The following SIN3B variants were observed in gnomAD, a reference collection of about 807,000 sequenced individuals.
SIN3B encodes the protein SIN3 transcription regulator family member B.
SIN3B carries 19 observed loss-of-function variants against 120.2 expected under a neutral mutation model. That is an observed-to-expected ratio of 0.16 (90% confidence interval 0.11 to 0.23). The LOEUF is 0.23. Among genes scored for constraint, SIN3B ranks in the 10% least tolerant of loss-of-function variants. SIN3B has a pLI of 1.00. For missense variants in SIN3B, 1,073 were observed against 1,573.0 expected, an observed-to-expected ratio of 0.68 and a Z score of 5.38; for synonymous variants, 654 against 653.2, an observed-to-expected ratio of 1.00 and a Z score of -0.02.
chr19:16,845,530 C>A (rs1433835438), intron 4 of SIN3B, among the ~76,000 whole-genome samples: 2 of 152,206 alleles, frequency 1.3e-5, no homozygotes, highest in East Asian at 3.9e-4. Flanking sequence ...ACCTTGGCCT[C>A]CCAAAGTGCT....
At chr19:16,873,174 C>T (rs2051534909) in intron 14 of SIN3B, among the ~76,000 whole-genome samples, 1 of 152,084 alleles carries the variant, frequency 6.6e-6, no homozygotes, top group Non-Finnish European at 1.5e-5. Flanking sequence ...GTGGCTGGGG[C>T]CCTGTCCTTT....
chr19:16,831,055 A>T (rs1345569449), intron 2 of SIN3B, among the ~76,000 whole-genome samples: 1 of 148,100 alleles, frequency 6.8e-6, no homozygotes, highest in East Asian at 2.0e-4. Flanking sequence ...ATGCTATCAC[A>T]TGGGGGCACT....
At chr19:16,875,434 G>T (rs909115143) in intron 14 of SIN3B, among the ~76,000 whole-genome samples, 2 of 145,618 alleles carry the variant, frequency 1.4e-5, no homozygotes, top group Non-Finnish European at 3.0e-5. Context: ...GTTTGGTCTG[G>T]TCTGGTTTTG....
intron 4 of SIN3B, among the ~76,000 whole-genome samples, chr19:16,843,254 C>T (rs922970677): frequency 4.6e-5 from 7 of 152,324 alleles, no homozygotes; most frequent in Middle Eastern, 3.4e-3. Context: ...TGGGCCACCA[C>T]GCCCAGCTAA....
In SIN3B at chr19:16,847,073, C is replaced by T; in HGVS notation, c.686C>T (p.Ser229Leu). The T allele has an allele frequency of 6.2e-7, 1 of 1,614,158 alleles. No homozygotes were observed. The change falls in exon 5 of 19, where the codon TCA (serine) becomes TTA (leucine). Residue 229 changes from serine (S) to leucine (L), a missense_variant. This residue lies in a region of SIN3B where 395 missense variants were observed against 528.0 expected (regional missense o/e 0.75). Transcript: ENST00000248054. ...TTCCGGGGCCAGGAGGACCTGCTCT[C>T]AGAGTTTGGACAGTTCCTGCCCGAA... ...NLFRGQEDLL[S>L]EFGQFLPEAK...
chr19:16,833,391 T>TG (rs1395905238), intron 3 of SIN3B, among the ~76,000 whole-genome samples: 2 of 152,000 alleles, frequency 1.3e-5, no homozygotes, highest in African/African-American at 4.8e-5. Context: ...CCCAGCACTT[T>TG]GGGGGGCCGA....
rs752253068 is a variant in SIN3B at position 16,878,736 on chromosome 19, C to T, written c.*9C>T. 355 of 1,587,088 alleles carry T rather than the reference C, an allele frequency of 2.2e-4. 1 individual carries two copies. Among genetic ancestry groups the T allele is most frequent in the South Asian group, 1.0e-3 (93 of 88,594 alleles). ...GCCCGGCCTCGCCCTGACCCGCCCTCATGGGCACCGGGCAGGCGCCTCACA... is the reference window on the plus strand; with the variant it reads ...GCCCGGCCTCGCCCTGACCCGCCCTTATGGGCACCGGGCAGGCGCCTCACA... On this transcript the variant is annotated 3_prime_UTR_variant, in exon 19 of 19. Coordinates refer to ENST00000248054, the MANE Select transcript of SIN3B (RefSeq NM_001297595.2).
rs1156656470 is a variant in SIN3B at position 16,852,158 on chromosome 19, G to A, written c.849+624G>A. Among the ~76,000 whole-genome samples the A allele has an allele frequency of 5.3e-5, 8 of 152,058 alleles. No individual in the cohort carries two copies. In the East Asian group the frequency reaches 7.7e-4, roughly 15 times the overall value. On this transcript the variant is annotated intron_variant, in intron 6 of 18. Coordinates refer to ENST00000248054, the MANE Select transcript of SIN3B (RefSeq NM_001297595.2). ...TTTCTTTCCTTTGAGACAGAGTCTC[G>A]CTCTGTCACCCAGGCTGGAGTGCAG...
intron 8 of SIN3B, among the ~76,000 whole-genome samples, chr19:16,856,568 C>T (rs965250067): frequency 7.3e-5 from 11 of 151,632 alleles, no homozygotes; most frequent in Non-Finnish European, 1.3e-4. Context: ...GAAAAATACA[C>T]GTGAAGATTT....
rs2039266881 is a variant in SIN3B at position 16,851,671 on chromosome 19, G to T, written c.849+137G>T. On this transcript the variant is annotated intron_variant, in intron 6 of 18. Coordinates refer to ENST00000248054, the MANE Select transcript of SIN3B (RefSeq NM_001297595.2). ...GGGGGCTGTGTGAGGTTCACCGGCA[G>T]TGGGACCGTTGGAAGTCAGCTCTCC... 7.0e-6 allele frequency: 8 copies of T among 1,134,898 alleles called. 1 individual carries two copies. In the Admixed American group the frequency reaches 1.7e-4, roughly 24 times the overall value. The allele number at this position is 1,134,898 out of a possible 1,614,324, so 70.3% of individuals were successfully genotyped here.
intron 8 of SIN3B, among the ~76,000 whole-genome samples, chr19:16,857,692 A>C (rs1426475357): frequency 6.6e-6 from 1 of 151,980 alleles, no homozygotes; most frequent in Non-Finnish European, 1.5e-5. Flanking sequence ...CTCCAGGAGC[A>C]CCCCCGCATA....
chr19:16,875,200 T>A (rs573905089), intron 14 of SIN3B, among the ~76,000 whole-genome samples: 100 of 147,814 alleles, frequency 6.8e-4, no homozygotes, highest in African/African-American at 2.5e-3. Flanking sequence ...TCTGGTCTGG[T>A]CTGGTCTGTC....
At chr19:16,851,369 A>G in intron 5 of SIN3B, 43 bp from the exon 6 acceptor site, 2 of 1,534,938 alleles carry the variant, frequency 1.3e-6, no homozygotes, top group Non-Finnish European at 1.8e-6. Context: ...GCATGGGTCC[A>G]GCCACGTCTC....
chr19:16,860,573 A>G (rs942547611), intron 8 of SIN3B, among the ~76,000 whole-genome samples: 1 of 149,722 alleles, frequency 6.7e-6, no homozygotes, highest in Non-Finnish European at 1.5e-5. Context: ...GGATTGTGGC[A>G]CCAGCAGTCA....
chr19:16,834,199 A>G (rs1278795626), intron 3 of SIN3B, among the ~76,000 whole-genome samples: 2 of 152,216 alleles, frequency 1.3e-5, no homozygotes, highest in African/African-American at 4.8e-5. Context: ...GAGAAAGCCA[A>G]GCTCATTTGC....
At chr19:16,875,207 TGTCTGGTCTGGTTTG>T (rs893683762) in intron 14 of SIN3B, among the ~76,000 whole-genome samples, 4 of 141,416 alleles carry the variant, frequency 2.8e-5, no homozygotes, top group South Asian at 4.7e-4. Context: ...TGGTCTGGTC[TGTCTGGTCTGGTTTG>T]GTCTGGTCTG....
In SIN3B at chr19:16,878,300, C is replaced by T; in HGVS notation, c.3072C>T (p.Cys1024=). The T allele has an allele frequency of 4.3e-6, 7 of 1,609,852 alleles. No individual in the cohort carries two copies. Among genetic ancestry groups the T allele is most frequent in the Non-Finnish European group, 5.9e-6 (7 of 1,178,564 alleles). ...VGVESACDVD[C]RFKLSTHKMV... ...TGGAGAGCGCCTGCGACGTGGACTG[C>T]CGCTTCAAGCTCAGCACTCACAAGA... The change falls in exon 18 of 19, where the codon TGC becomes TGT. Residue 1024 remains cysteine, a synonymous_variant. Transcript: ENST00000248054.
In SIN3B at chr19:16,876,428, G is replaced by A; in HGVS notation, c.2767-58G>A. The A allele has an allele frequency of 6.3e-7, 1 of 1,575,350 alleles. No individual in the cohort carries two copies. The highest frequency in any genetic ancestry group is 8.7e-7 in the Non-Finnish European group (1 of 1,149,914). Reference sequence around the variant, plus strand: ...GGGAGGCGGGTGGCCTTGCGAGCCTGCGCTGTGCCGGCTGGGCTGTGCCGG... The same window carrying A: ...GGGAGGCGGGTGGCCTTGCGAGCCTACGCTGTGCCGGCTGGGCTGTGCCGG... On this transcript the variant is annotated intron_variant, in intron 15 of 18. Transcript: ENST00000248054. The surrounding 1 kb of genome is among the most constrained non-coding windows in gnomAD (Gnocchi z 7.1).
At position 16,841,794 on chromosome 19, in the gene SIN3B, T is replaced by A. The variant is rs1289350322; in HGVS notation, c.408T>A (p.Gly136=). The part of the protein sequence containing the change: ...SQENSHNHGD[G]AEDFKQQVPY... ...AGAATTCGCACAACCACGGGGACGG[T>A]GCAGAGGACTTCAAGCAGCAGGTGC... Residue 136 remains glycine, a synonymous_variant, in exon 4 of 19, where the codon GGT becomes GGA. Transcript: ENST00000248054. 1.2e-5 allele frequency: 19 copies of A among 1,613,988 alleles called. No individual in the cohort carries two copies. Among genetic ancestry groups the A allele is most frequent in the Non-Finnish European group, 1.5e-5 (18 of 1,180,008 alleles).
Sources: gnomAD v4.1 joint callset for allele counts (sites outside exome capture counted in the v4.1 genomes callset) on GRCh38, gnomAD v4.1.1 for gene constraint, gnomAD v4.1.1 regional missense constraint, Gnocchi (gnomAD v3.1) non-coding constraint, MANE v1.5 for transcripts, NCBI Gene and HGNC (gene_info 2026-07-23, HGNC 2026-07-21) for gene names.